The following PER3 variants were observed in gnomAD, a reference collection of about 807,000 sequenced individuals.
PER3 encodes period circadian regulator 3.
A neutral mutation model predicts 127.2 loss-of-function variants in PER3; 107 were observed. The observed-to-expected ratio is 0.84, with a 90% CI of 0.72 to 0.99. The LOEUF is 0.99. PER3 is among the 50% of genes least tolerant of loss of function. The pLI is 0.00. For synonymous variants in PER3, 618 were observed against 585.8 expected (o/e 1.05, Z -0.79); for missense variants, 1,560 against 1,525.8 (o/e 1.02, Z -0.37).
chr1:7,795,391 C>G (rs2097140704), intron 6 of PER3, among the ~76,000 whole-genome samples: 1 of 152,150 alleles, frequency 6.6e-6, no homozygotes, highest in Non-Finnish European at 1.5e-5. Flanking sequence ...TGTGTGTAGA[C>G]AGTAAAGCAA....
Position 7,788,218 on chromosome 1 carries a change from T to C in PER3, c.564T>C (p.Leu188=), listed in dbSNP as rs200046179. 1.3e-5 allele frequency: 21 copies of C among 1,613,902 alleles called. No homozygotes were observed. Among genetic ancestry groups the C allele is most frequent in the Non-Finnish European group, 1.8e-5 (21 of 1,179,894 alleles). ...VFYAHTARAQ[L]PFWNNWTQRA... Reference sequence around the variant, plus strand: ...ACGCGCACACTGCCAGAGCTCAGCTTCCTTTCTGGAACAACTGGACCCAAA... The same window carrying C: ...ACGCGCACACTGCCAGAGCTCAGCTCCCTTTCTGGAACAACTGGACCCAAA... The change falls in exon 5 of 22, where the codon CTT becomes CTC. Residue 188 remains leucine, a synonymous_variant. Transcript: ENST00000377532.
At chr1:7,804,552 C>T (rs1289780436) in intron 10 of PER3, among the ~76,000 whole-genome samples, 4 of 151,826 alleles carry the variant, frequency 2.6e-5, no homozygotes, top group Non-Finnish European at 5.9e-5. Flanking sequence ...AGGTGCCTGC[C>T]AACACATTCA....
chr1:7,841,667 A>G (rs1249652550), intron 21 of PER3, among the ~76,000 whole-genome samples: 1 of 152,082 alleles, frequency 6.6e-6, no homozygotes, highest in African/African-American at 2.4e-5. Flanking sequence ...TAGTCTTCCT[A>G]CTCTGCCATC....
intron 6 of PER3, among the ~76,000 whole-genome samples, chr1:7,795,103 G>C (rs1300077272): frequency 6.6e-6 from 1 of 152,118 alleles, no homozygotes; most frequent in African/African-American, 2.4e-5. Context: ...ATGCTTGGGG[G>C]GGACGGCCTG....
At chr1:7,805,972 C>T (rs1460874815) in intron 10 of PER3, among the ~76,000 whole-genome samples, 1 of 152,108 alleles carries the variant, frequency 6.6e-6, no homozygotes, top group Non-Finnish European at 1.5e-5. Flanking sequence ...AGGTATTAAT[C>T]TTGCTCATAA....
chr1:7,801,212 A>G (rs774562305), intron 8 of PER3, 21 bp downstream of exon 8: 9 of 1,322,756 alleles, frequency 6.8e-6, no homozygotes, highest in African/African-American at 1.5e-5. Context: ...CTTTAAGCCT[A>G]AAAGAAATTT....
intron 2 of PER3, 82 bp from the exon 3 acceptor site, chr1:7,785,359 C>T: frequency 9.0e-7 from 1 of 1,108,674 alleles, no homozygotes; most frequent in Non-Finnish European, 1.3e-6. Context: ...AGAAACTTAC[C>T]TGGCTTGCAG....
chr1:7,790,404 A>G (rs946677336), intron 5 of PER3, among the ~76,000 whole-genome samples: 1 of 152,160 alleles, frequency 6.6e-6, no homozygotes, highest in Non-Finnish European at 1.5e-5. Flanking sequence ...TCTCTTGAGA[A>G]CTTACTATCA....
chr1:7,791,143 C>T (rs1036475278), intron 5 of PER3, among the ~76,000 whole-genome samples: 1 of 152,248 alleles, frequency 6.6e-6, no homozygotes, highest in Admixed American at 6.5e-5. Flanking sequence ...GGCTCCGAAC[C>T]CAAATTTCCC....
At chr1:7,801,546 T>C (rs939006454) in intron 8 of PER3, among the ~76,000 whole-genome samples, 4 of 152,236 alleles carry the variant, frequency 2.6e-5, no homozygotes, top group Admixed American at 6.5e-5. Context: ...CTAGCACTTA[T>C]TCTGGTGTTA....
chr1:7,803,624 TA>T, intron 9 of PER3, 67 bp from the exon 10 acceptor site: 1 of 1,032,524 alleles, frequency 9.7e-7, no homozygotes, highest in Non-Finnish European at 1.4e-6. Flanking sequence ...ATAAATGGCT[TA>T]AAAAGGACAT....
intron 7 of PER3, among the ~76,000 whole-genome samples, chr1:7,799,883 C>T (rs1047257047): frequency 5.3e-5 from 8 of 151,854 alleles, no homozygotes; most frequent in African/African-American, 7.2e-5. Flanking sequence ...ATCCTCCCAC[C>T]GCAGCCTCCA....
At chr1:7,799,827 T>C (rs2097162446) in intron 7 of PER3, among the ~76,000 whole-genome samples, 2 of 152,058 alleles carry the variant, frequency 1.3e-5, no homozygotes, top group African/African-American at 4.8e-5. Context: ...TGGAGTGCAG[T>C]GTGTGGTCAT....
intron 5 of PER3, among the ~76,000 whole-genome samples, chr1:7,791,484 C>T (rs754546029): frequency 1.3e-5 from 2 of 152,184 alleles, no homozygotes; most frequent in South Asian, 2.1e-4. Context: ...TTTTTTCTCT[C>T]GTAGGCCTCA....
At chr1:7,804,976 C>A (rs6656735) in intron 10 of PER3, among the ~76,000 whole-genome samples, 30,122 of 151,608 alleles carry the variant, frequency 0.2, 3,161 homozygotes, top group South Asian at 0.27. Context: ...TCAAACGTTT[C>A]TCCTGCCTCA....
chr1:7,839,610 G>GTTTGTCTGGGAATGTC (rs2097374738), intron 21 of PER3, among the ~76,000 whole-genome samples: 1 of 152,162 alleles, frequency 6.6e-6, no homozygotes, highest in Admixed American at 6.5e-5. Flanking sequence ...CCTGGCTTTT[G>GTTTGTCTGGGAATGTC]TTTGTCTGGG....
In PER3 at chr1:7,826,990, CT is replaced by C. The variant is rs201711272; in HGVS notation, c.2189-123del. 2.4e-3 allele frequency: 1,787 copies of C among 736,698 alleles called. 25 individuals are homozygous for C. In the African/African-American group the frequency reaches 0.027, roughly 11 times the overall value. The allele number at this position is 736,698 out of a possible 1,614,324, so 45.6% of individuals were successfully genotyped here. Reference sequence around the variant, plus strand: ...AATTTTGTTCATCTTTTTAGAGCCACTTTTTGTCATTCTGGTAGTATTGGCA... The same window carrying C: ...AATTTTGTTCATCTTTTTAGAGCCACTTTTGTCATTCTGGTAGTATTGGCA... On this transcript the variant is annotated intron_variant, in intron 17 of 21. Coordinates refer to ENST00000377532, the MANE Select transcript of PER3 (RefSeq NM_001377275.1). The surrounding 1 kb of genome is among the most constrained non-coding windows in gnomAD (Gnocchi z 4.2).
At chr1:7,814,495 G>T (rs770317665) in intron 13 of PER3, among the ~76,000 whole-genome samples, 1 of 152,088 alleles carries the variant, frequency 6.6e-6, no homozygotes, top group Non-Finnish European at 1.5e-5. Flanking sequence ...AAAACGATAT[G>T]TAAGAAAATA....
chr1:7,820,217 AGAT>A lies in PER3; in HGVS notation c.1766_1768del (p.Asp589del). 6.2e-7 allele frequency: 1 copy of A among 1,613,916 alleles called. No individual in the cohort carries two copies. Among genetic ancestry groups the A allele is most frequent in the Non-Finnish European group, 8.5e-7 (1 of 1,179,828 alleles). On this transcript the variant is annotated inframe_deletion, in exon 15 of 22. Transcript: ENST00000377532. ...AAGAAGACAAACAGAACCACAAGGCAGATGATGTCCAAGCCTTACAAGGTAACA... is the reference window on the plus strand; with the variant it reads ...AAGAAGACAAACAGAACCACAAGGCAGATGTCCAAGCCTTACAAGGTAACA...
Sources: allele counts gnomAD v4.1 joint callset (sites outside exome capture counted in the v4.1 genomes callset), GRCh38; gene constraint gnomAD v4.1.1; non-coding constraint Gnocchi (gnomAD v3.1); transcripts MANE v1.5; gene names NCBI Gene and HGNC (gene_info 2026-07-23, HGNC 2026-07-21).